The following GLIS3 variants were observed in gnomAD, a reference collection of about 807,000 sequenced individuals.
The protein encoded by GLIS3 is zinc finger protein GLIS3.
GLIS3 carries 53 observed loss-of-function variants against 78.6 expected under a neutral mutation model. That is an observed-to-expected ratio of 0.67 (90% confidence interval 0.54 to 0.85). The LOEUF (loss-of-function observed/expected upper bound fraction) is 0.85, where lower values mean the gene tolerates loss of function less well. Ranked by LOEUF, GLIS3 falls within the 40% of genes least tolerant of loss-of-function variation. GLIS3 has a pLI of 0.00. For synonymous variants in GLIS3, 684 were observed against 509.9 expected, an observed-to-expected ratio of 1.34 and a Z score of -4.60; for missense variants, 1,703 against 1,231.1, an observed-to-expected ratio of 1.38 and a Z score of -5.74.
At chr9:4,217,122 C>T (rs560229850) in intron 2 of GLIS3, among the ~76,000 whole-genome samples, 2 of 152,112 alleles carry the variant, frequency 1.3e-5, no homozygotes, top group Admixed American at 6.5e-5. Flanking sequence ...CAATTAAATG[C>T]GGTCTGGAAA....
Position 3,977,036 on chromosome 9 carries a change from G to A in GLIS3, c.1711-39847C>T, listed in dbSNP as rs1053527627. 2.6e-5 allele frequency among the ~76,000 whole-genome samples: 4 copies of A among 151,832 alleles called. No homozygotes were observed. The highest frequency in any genetic ancestry group is 5.9e-5 in the Non-Finnish European group (4 of 67,964). Reference sequence around the variant, plus strand: ...AAAATTAGCTAAAATTTCAGATAACGCAGCCTTCTGTCATGTTCTCCTACT... The same window carrying A: ...AAAATTAGCTAAAATTTCAGATAACACAGCCTTCTGTCATGTTCTCCTACT... On this transcript the variant is annotated intron_variant, in intron 4 of 10. Coordinates refer to ENST00000381971, the MANE Select transcript of GLIS3 (RefSeq NM_001042413.2). The surrounding 1 kb of genome is among the most constrained non-coding windows in gnomAD (Gnocchi z 4.1).
intron 2 of GLIS3, among the ~76,000 whole-genome samples, chr9:4,343,331 G>A (rs1398281536): frequency 3.9e-5 from 6 of 152,142 alleles, no homozygotes; most frequent in Admixed American, 3.3e-4. Context: ...AACAGAGCTA[G>A]CACCTGTCTC....
At chr9:4,421,215 G>A in the GLIS3 span, among the ~76,000 whole-genome samples, 1 of 152,198 alleles carries the variant, frequency 6.6e-6, no homozygotes, top group African/African-American at 2.4e-5. Context: ...TCATATGACA[G>A]GACCAGCTTA....
In GLIS3 at chr9:4,119,917, A is replaced by C. The variant is rs575059868; in HGVS notation, c.597-1036T>G. Among the ~76,000 whole-genome samples the C allele has an allele frequency of 2.6e-5, 4 of 152,394 alleles. No individual in the cohort carries two copies. The East Asian group carries it at 7.7e-4, about 29-fold the overall frequency. ...TTAAGTGTGAAAATAATTGAGAAGAAAAGATACGTCCCTTGGAAGGAAAAT... is the reference window on the plus strand; with the variant it reads ...TTAAGTGTGAAAATAATTGAGAAGACAAGATACGTCCCTTGGAAGGAAAAT... On this transcript the variant is annotated intron_variant, in intron 3 of 10. Coordinates refer to ENST00000381971, the MANE Select transcript of GLIS3 (RefSeq NM_001042413.2).
intron 2 of GLIS3, among the ~76,000 whole-genome samples, chr9:4,129,034 A>G (rs1201064122): frequency 6.6e-6 from 1 of 152,252 alleles, no homozygotes; most frequent in East Asian, 1.9e-4. Flanking sequence ...TGTTTGTGGT[A>G]CAACTATGAG....
chr9:4,138,344 A>G (rs1465182311), intron 2 of GLIS3, among the ~76,000 whole-genome samples: 2 of 152,210 alleles, frequency 1.3e-5, no homozygotes, highest in Admixed American at 6.5e-5. Context: ...CCTTGGTCAA[A>G]GATCTTACAA....
At chr9:3,953,776 T>TA (rs1252588152) in intron 4 of GLIS3, among the ~76,000 whole-genome samples, 41 of 37,406 alleles carry the variant, frequency 1.1e-3, no homozygotes, top group African/African-American at 4.3e-3. Flanking sequence ...TCTCTCTCTC[T>TA]CTCTCTCTCT....
intron 2 of GLIS3, among the ~76,000 whole-genome samples, chr9:4,268,608 G>GT (rs1266827369): frequency 6.6e-6 from 1 of 152,296 alleles, no homozygotes; most frequent in East Asian, 1.9e-4. Flanking sequence ...GGTAGGAAAG[G>GT]TATTATTATT....
At chr9:4,003,801 G>C (rs1023827330) in intron 4 of GLIS3, among the ~76,000 whole-genome samples, 1 of 152,210 alleles carries the variant, frequency 6.6e-6, no homozygotes, top group African/African-American at 2.4e-5. Flanking sequence ...TGTCAATGAA[G>C]ACAGACGCTT....
intron 2 of GLIS3, among the ~76,000 whole-genome samples, chr9:4,144,648 C>A (rs1412795360): frequency 2.6e-5 from 4 of 152,090 alleles, no homozygotes; most frequent in African/African-American, 9.7e-5. Context: ...ACTCAAAGGT[C>A]TCTAGATGGA....
chr9:4,199,135 C>G (rs568080598), intron 2 of GLIS3, among the ~76,000 whole-genome samples: 1 of 152,268 alleles, frequency 6.6e-6, no homozygotes, highest in East Asian at 1.9e-4. Context: ...CCCACAAATC[C>G]TATAAAGCAA....
chr9:4,009,559 C>G (rs77371936), intron 4 of GLIS3, among the ~76,000 whole-genome samples: 3,467 of 152,286 alleles, frequency 0.023, 153 homozygotes, highest in African/African-American at 0.078. Flanking sequence ...GCAGCACATT[C>G]CTGCTGGCCA....
intron 2 of GLIS3, among the ~76,000 whole-genome samples, chr9:4,190,223 C>G (rs986626888): frequency 1.3e-5 from 2 of 152,300 alleles, no homozygotes; most frequent in East Asian, 1.9e-4. Flanking sequence ...TTCAGACAAT[C>G]AAACTACTCC....
At chr9:4,261,722 G>A (rs543924512) in intron 2 of GLIS3, among the ~76,000 whole-genome samples, 30 of 152,218 alleles carry the variant, frequency 2.0e-4, no homozygotes, top group South Asian at 6.2e-4. Context: ...CCATAAACCC[G>A]CAATTTCACT....
At chr9:4,127,883 T>C (rs141365057) in intron 2 of GLIS3, among the ~76,000 whole-genome samples, 10 of 152,186 alleles carry the variant, frequency 6.6e-5, no homozygotes, top group Admixed American at 1.3e-4. Flanking sequence ...AACAAAGATA[T>C]AGCAGCTGGA....
intron 4 of GLIS3, among the ~76,000 whole-genome samples, chr9:3,991,969 CA>C (rs1429493573): frequency 3.3e-5 from 5 of 152,120 alleles, no homozygotes; most frequent in Non-Finnish European, 7.4e-5. Flanking sequence ...GGATTACAGG[CA>C]TGAGCCACCC....
At chr9:3,955,049 C>T (rs146714794) in intron 4 of GLIS3, among the ~76,000 whole-genome samples, 105 of 152,210 alleles carry the variant, frequency 6.9e-4, no homozygotes, top group African/African-American at 2.2e-3. Flanking sequence ...GAATTCACGA[C>T]GTAGAGGGGA....
At chr9:4,290,672 T>C (rs777783935) in intron 1 of GLIS3, among the ~76,000 whole-genome samples, 1 of 152,148 alleles carries the variant, frequency 6.6e-6, no homozygotes, top group African/African-American at 2.4e-5. Flanking sequence ...AGAATGTCCC[T>C]TGTCCTAACA....
chr9:4,208,231 T>C (rs1351218229), intron 2 of GLIS3, among the ~76,000 whole-genome samples: 1 of 152,146 alleles, frequency 6.6e-6, no homozygotes, highest in African/African-American at 2.4e-5. Flanking sequence ...CGACAACAAG[T>C]AGACATTCTC....
Sources: gnomAD v4.1 joint callset for allele counts (sites outside exome capture counted in the v4.1 genomes callset) on GRCh38, gnomAD v4.1.1 for gene constraint, Gnocchi (gnomAD v3.1) non-coding constraint, MANE v1.5 for transcripts, NCBI Gene and HGNC (gene_info 2026-07-23, HGNC 2026-07-21) for gene names.